ARHGEF3: variants seen among roughly 807,000 people sequenced by gnomAD.
ARHGEF3 encodes Rho guanine nucleotide exchange factor 3.
Under a neutral mutation model 63.2 loss-of-function variants are expected in ARHGEF3, and 28 were observed. The observed-to-expected ratio is 0.44, with a 90% CI of 0.33 to 0.61. The LOEUF (loss-of-function observed/expected upper bound fraction) is 0.61, where lower values mean the gene tolerates loss of function less well. ARHGEF3 is among the 20% of genes least tolerant of loss of function. ARHGEF3 has a pLI of 0.03. For missense variants in ARHGEF3, 533 were observed against 659.3 expected (o/e 0.81, Z 2.10); for synonymous variants, 266 against 254.2 (o/e 1.05, Z -0.44).
At chr3:56,869,496 G>A (rs761971503) in intron 4 of ARHGEF3, among the ~76,000 whole-genome samples, 54 of 152,164 alleles carry the variant, frequency 3.5e-4, no homozygotes, top group Non-Finnish European at 4.9e-4. Flanking sequence ...TTTCTCTGAA[G>A]TTACCCAAGA....
At chr3:57,031,215 G>A (rs1703717526) in intron 2 of ARHGEF3, among the ~76,000 whole-genome samples, 1 of 152,200 alleles carries the variant, frequency 6.6e-6, no homozygotes, top group Non-Finnish European at 1.5e-5. Context: ...GTGAGACGTA[G>A]CCCCATGAGG....
At chr3:56,928,668 A>G (rs959768562) in intron 3 of ARHGEF3, among the ~76,000 whole-genome samples, 4 of 152,142 alleles carry the variant, frequency 2.6e-5, no homozygotes, top group Admixed American at 6.5e-5. Context: ...ATGAAGACAT[A>G]TTAGATGAAC....
In ARHGEF3 at chr3:56,967,517, ATATAT is replaced by A. The variant is rs1341444067; in HGVS notation, c.63-8633_63-8629del. On this transcript the variant is annotated intron_variant, in intron 2 of 12. Coordinates refer to the ARHGEF3 transcript ENST00000338458. ...AATATATTACATAATATATAATATA[ATATAT>A]TATATGTATAATATATTACATATTA... Among the ~76,000 whole-genome samples, 5 of 89,870 alleles carry A rather than the reference ATATAT, an allele frequency of 5.6e-5. 1 individual carries two copies. The East Asian group carries it at 1.0e-3, about 18-fold the overall frequency. 59.0% of individuals were successfully genotyped at this position (89,870 alleles called of 152,430 possible). A position where few individuals can be genotyped will look rare whatever the true frequency, so the allele number is the denominator to read the frequency against.
intron 4 of ARHGEF3, among the ~76,000 whole-genome samples, chr3:56,837,198 T>C (rs913918262): frequency 1.3e-5 from 2 of 152,102 alleles, no homozygotes; most frequent in African/African-American, 4.8e-5. Context: ...ATTAAAAAAA[T>C]GGTGACTCCT....
At chr3:57,052,958 G>A (rs1189849668) in intron 1 of ARHGEF3, among the ~76,000 whole-genome samples, 11 of 152,174 alleles carry the variant, frequency 7.2e-5, no homozygotes, top group Non-Finnish European at 1.3e-4. Context: ...TTAATTTGCC[G>A]TGGAGCAGCC....
chr3:57,027,486 C>A (rs1703523359), intron 2 of ARHGEF3, among the ~76,000 whole-genome samples: 1 of 152,096 alleles, frequency 6.6e-6, no homozygotes, highest in Non-Finnish European at 1.5e-5. Flanking sequence ...CTGCAGGGAG[C>A]AAGTAGGAGG....
chr3:56,822,042 A>AGAGAAGAGAAGCGAG (rs2038526680), intron 4 of ARHGEF3, among the ~76,000 whole-genome samples: 1 of 151,430 alleles, frequency 6.6e-6, no homozygotes, highest in East Asian at 2.0e-4. Context: ...AGCGAGGAAA[A>AGAGAAGAGAAGCGAG]GAAAAGAAAA....
chr3:57,062,487 C>A (rs189353942), intron 1 of ARHGEF3, among the ~76,000 whole-genome samples: 1 of 152,258 alleles, frequency 6.6e-6, no homozygotes, highest in South Asian at 2.1e-4. Context: ...CATGGGGAAG[C>A]CTTTCAGAGA....
At chr3:57,077,550 C>A (rs1706274587) in intron 1 of ARHGEF3, among the ~76,000 whole-genome samples, 1 of 152,000 alleles carries the variant, frequency 6.6e-6, no homozygotes, top group South Asian at 2.1e-4. Context: ...TGGGTGCAGA[C>A]CAGGAAAACT....
At chr3:56,916,313 G>A (rs1042488397) in intron 3 of ARHGEF3, 5 of 1,535,284 alleles carry the variant, frequency 3.3e-6, no homozygotes, top group East Asian at 2.4e-5. Flanking sequence ...GCTTACCTGC[G>A]AACGGACAAA....
rs57740672 is a variant in ARHGEF3, at chr3:56,992,375, T to TAAAAAAAAAAA, written c.63-33497_63-33487dup. ...GGTCCTATGGTAGGGAGGATGGCTTTAAAAAAAAAAAAAAAAAAAAAAAAA... is the reference window on the plus strand; with the variant it reads ...GGTCCTATGGTAGGGAGGATGGCTTTAAAAAAAAAAAAAAAAAAAAAAAAAAAAAAAAAAAA... On this transcript the variant is annotated intron_variant, in intron 2 of 12. Coordinates refer to the ARHGEF3 transcript ENST00000338458. 1.0e-3 allele frequency among the ~76,000 whole-genome samples: 46 copies of TAAAAAAAAAAA among 46,142 alleles called. 3 individuals carry two copies. Among genetic ancestry groups the TAAAAAAAAAAA allele is most frequent in the African/African-American group, 1.2e-3 (23 of 19,678 alleles). The allele number at this position is 46,142 out of a possible 152,430, so 30.3% of individuals were successfully genotyped here. A position where few individuals can be genotyped will look rare whatever the true frequency, so the allele number is the denominator to read the frequency against.
upstream of ARHGEF3, among the ~76,000 whole-genome samples, chr3:56,803,203 T>C (rs574814485): frequency 6.6e-6 from 1 of 152,270 alleles, no homozygotes; most frequent in South Asian, 2.1e-4. Context: ...GGACTTAAGC[T>C]TATAGCTCAT....
intron 1 of ARHGEF3, among the ~76,000 whole-genome samples, chr3:56,800,820 C>T (rs1025072100): frequency 6.6e-6 from 1 of 152,156 alleles, no homozygotes; most frequent in Admixed American, 6.5e-5. Context: ...TGGGTTCCAC[C>T]GCAGCTTGAC....
chr3:56,967,910 T>TATATAATATATTATATATAATATAAA (rs1700651250), intron 2 of ARHGEF3, among the ~76,000 whole-genome samples: 2 of 70,474 alleles, frequency 2.8e-5, no homozygotes, highest in African/African-American at 5.6e-5. Flanking sequence ...TAATATATTA[T>TATATAATATATTATATATAATATAAA]ATATAATATA....
chr3:56,792,528 T>G (rs1476716403), intron 1 of ARHGEF3, among the ~76,000 whole-genome samples: 2 of 152,212 alleles, frequency 1.3e-5, no homozygotes, highest in African/African-American at 4.8e-5. Flanking sequence ...AAGCTCCAGC[T>G]AGGCCATTCC....
intron 9 of ARHGEF3, 132 bp downstream of exon 9, chr3:56,732,105 GA>G: frequency 9.4e-7 from 1 of 1,069,296 alleles, no homozygotes; most frequent in East Asian, 2.6e-5. Flanking sequence ...ACATAATCAG[GA>G]AGTGATGAAA....
intron 4 of ARHGEF3, among the ~76,000 whole-genome samples, chr3:56,808,031 G>A (rs2107993650): frequency 2.0e-5 from 3 of 152,048 alleles, no homozygotes; most frequent in African/African-American, 7.2e-5. Context: ...GGCTGAGGCA[G>A]GAGAATCACT....
At position 56,772,914 on chromosome 3, in the gene ARHGEF3, A is replaced by T. The variant is rs567687088; in HGVS notation, c.204+795T>A. Among the ~76,000 whole-genome samples the T allele has an allele frequency of 3.3e-5, 5 of 152,312 alleles. No homozygotes were observed. The East Asian group carries it at 9.6e-4, about 29-fold the overall frequency. On this transcript the variant is annotated intron_variant, in intron 2 of 9. Transcript: ENST00000296315. ...GAAGTATGGAAAAAACATTTTTTTA[A>T]TAAAAAATAAAAGCAAGACCTAGAG...
intron 4 of ARHGEF3, among the ~76,000 whole-genome samples, chr3:56,842,602 CA>C: frequency 6.6e-6 from 1 of 152,262 alleles, no homozygotes; most frequent in Middle Eastern, 3.4e-3. Flanking sequence ...TTAACTCCCT[CA>C]TCTTTTCCCC....
Sources: allele counts gnomAD v4.1 joint callset (sites outside exome capture counted in the v4.1 genomes callset), GRCh38; gene constraint gnomAD v4.1.1; transcripts MANE v1.5; gene names NCBI Gene and HGNC (gene_info 2026-07-23, HGNC 2026-07-21).